Variants in TNFSF4 observed in about 807,000 individuals in gnomAD.
TNFSF4 encodes the protein TNF superfamily member 4.
In TNFSF4, 4 loss-of-function variants were observed where a neutral mutation model predicts 7.3. The observed-to-expected ratio is 0.55, with a 90% confidence interval of 0.27 to 1.25. TNFSF4 has a LOEUF of 1.25. Among genes scored for constraint, TNFSF4 ranks in the 50% most tolerant of loss-of-function variants. The pLI, the probability that TNFSF4 is intolerant of heterozygous loss-of-function variation, is 0.12. For missense variants in TNFSF4, 181 were observed against 208.8 expected (o/e 0.87, Z 0.82); for synonymous variants, 76 against 83.7 (o/e 0.91, Z 0.50).
chr1:173,235,626 T>C, the TNFSF4 span, among the ~76,000 whole-genome samples: 1 of 152,238 alleles, frequency 6.6e-6, no homozygotes, highest in Non-Finnish European at 1.5e-5. Flanking sequence ...AATTTTTCAC[T>C]GTGGGCATGT....
At chr1:173,199,847 TA>T (rs55762121) in intron 1 of TNFSF4, among the ~76,000 whole-genome samples, 15,893 of 151,886 alleles carry the variant, frequency 0.1, 983 homozygotes, top group African/African-American at 0.16. Context: ...CATTATCATT[TA>T]AAAAAAATGC....
chr1:173,326,726 GACAA>G, the TNFSF4 span, among the ~76,000 whole-genome samples: 4 of 152,060 alleles, frequency 2.6e-5, no homozygotes, highest in Non-Finnish European at 2.9e-5. Flanking sequence ...ACCAATAACA[GACAA>G]ACAGAGAGCC....
the TNFSF4 span, among the ~76,000 whole-genome samples, chr1:173,274,515 C>G: frequency 6.6e-6 from 1 of 152,054 alleles, no homozygotes; most frequent in Non-Finnish European, 1.5e-5. Context: ...TCTAAGATGT[C>G]CCCCTCTTCC....
chr1:173,274,865 A>G, the TNFSF4 span, among the ~76,000 whole-genome samples: 1 of 152,150 alleles, frequency 6.6e-6, no homozygotes, highest in Non-Finnish European at 1.5e-5. Flanking sequence ...CATGTTTAAT[A>G]AAGAGTATCT....
the TNFSF4 span, among the ~76,000 whole-genome samples, chr1:173,444,671 T>C: frequency 6.6e-6 from 1 of 152,300 alleles, no homozygotes; most frequent in East Asian, 1.9e-4. Context: ...AGGTAATAAC[T>C]GAACTTCTGG....
intron 1 of TNFSF4, among the ~76,000 whole-genome samples, chr1:173,197,780 A>T (rs1393233478): frequency 1.3e-5 from 2 of 152,198 alleles, no homozygotes; most frequent in East Asian, 1.9e-4. Flanking sequence ...ACCATGGCAC[A>T]CGTTTACCTA....
At chr1:173,421,682 A>G in the TNFSF4 span, among the ~76,000 whole-genome samples, 1 of 152,190 alleles carries the variant, frequency 6.6e-6, no homozygotes, top group African/African-American at 2.4e-5. Flanking sequence ...CTGGAAAAAA[A>G]AAAATGAAAA....
chr1:173,282,660 T>C, the TNFSF4 span, among the ~76,000 whole-genome samples: 1 of 152,118 alleles, frequency 6.6e-6, no homozygotes, highest in Non-Finnish European at 1.5e-5. Flanking sequence ...GGTTTCACCA[T>C]GGTGGTCAGG....
the TNFSF4 span, among the ~76,000 whole-genome samples, chr1:173,377,981 T>G: frequency 1.3e-5 from 2 of 152,240 alleles, no homozygotes; most frequent in Non-Finnish European, 2.9e-5. Flanking sequence ...AGAATGCTTA[T>G]GACTCTAACA....
the TNFSF4 span, among the ~76,000 whole-genome samples, chr1:173,432,710 G>A: frequency 2.6e-5 from 4 of 150,950 alleles, no homozygotes; most frequent in East Asian, 7.8e-4. Context: ...GATCTTTGAG[G>A]AATACAGAAC....
the TNFSF4 span, among the ~76,000 whole-genome samples, chr1:173,350,273 T>A: frequency 2.0e-5 from 3 of 152,182 alleles, no homozygotes; most frequent in Admixed American, 1.3e-4. Flanking sequence ...CTGGCATTAT[T>A]AAAATGGGTT....
At chr1:173,316,668 T>G in the TNFSF4 span, among the ~76,000 whole-genome samples, 1 of 152,140 alleles carries the variant, frequency 6.6e-6, no homozygotes, top group Non-Finnish European at 1.5e-5. Flanking sequence ...CAAAATATAA[T>G]AAAAATAAAT....
At chr1:173,286,975 A>G in the TNFSF4 span, among the ~76,000 whole-genome samples, 2 of 152,172 alleles carry the variant, frequency 1.3e-5, no homozygotes, top group Non-Finnish European at 2.9e-5. Context: ...ACTAATAAAT[A>G]TATTAAAATG....
chr1:173,296,777 A>T, the TNFSF4 span, among the ~76,000 whole-genome samples: 1 of 152,072 alleles, frequency 6.6e-6, no homozygotes, highest in Middle Eastern at 3.4e-3. Flanking sequence ...ATCGCCAATC[A>T]TGCTTCCCCT....
At chr1:173,335,786 A>C in the TNFSF4 span, among the ~76,000 whole-genome samples, 1 of 152,194 alleles carries the variant, frequency 6.6e-6, no homozygotes, top group Non-Finnish European at 1.5e-5. Flanking sequence ...ACTCTGGTAC[A>C]CTGCTTAAAA....
At chr1:173,393,693 T>A in the TNFSF4 span, among the ~76,000 whole-genome samples, 3 of 152,350 alleles carry the variant, frequency 2.0e-5, no homozygotes, top group East Asian at 3.9e-4. Context: ...AGTTTTCCCA[T>A]AGAATGATGA....
the TNFSF4 span, among the ~76,000 whole-genome samples, chr1:173,302,374 A>C: frequency 2.0e-5 from 3 of 151,950 alleles, no homozygotes; most frequent in East Asian, 3.9e-4. Context: ...TGACATCCCT[A>C]AGAAGCAAGG....
the TNFSF4 span, among the ~76,000 whole-genome samples, chr1:173,254,578 G>A: frequency 2.0e-5 from 3 of 152,012 alleles, no homozygotes; most frequent in East Asian, 3.9e-4. Context: ...CTCACCTGTT[G>A]GGACTTAGTA....
the TNFSF4 span, among the ~76,000 whole-genome samples, chr1:173,322,265 T>C: frequency 6.6e-6 from 1 of 152,066 alleles, no homozygotes; most frequent in African/African-American, 2.4e-5. Flanking sequence ...AGTTGAACAA[T>C]GAGAACATGG....
Sources: allele counts gnomAD v4.1 joint callset (sites outside exome capture counted in the v4.1 genomes callset), GRCh38; gene constraint gnomAD v4.1.1; transcripts MANE v1.5; gene names NCBI Gene and HGNC (gene_info 2026-07-23, HGNC 2026-07-21).